The following FAM193B variants were observed in gnomAD, a reference collection of about 807,000 sequenced individuals.
FAM193B encodes the protein protein FAM193B.
Under a neutral mutation model 70.7 loss-of-function variants are expected in FAM193B, and 27 were observed. The ratio of observed to expected loss-of-function variants is 0.38; its 90% CI spans 0.28 to 0.53. The LOEUF (loss-of-function observed/expected upper bound fraction) is 0.53. Among genes scored for constraint, FAM193B ranks in the 20% least tolerant of loss-of-function variants. FAM193B has a pLI of 0.81. For missense variants in FAM193B, 1,022 were observed against 1,072.5 expected, an observed-to-expected ratio of 0.95 and a Z score of 0.66; for synonymous variants, 448 against 436.0, an observed-to-expected ratio of 1.03 and a Z score of -0.34.
At chr5:177,542,191 T>G (rs1764936764) in intron 1 of FAM193B, among the ~76,000 whole-genome samples, 1 of 152,264 alleles carries the variant, frequency 6.6e-6, no homozygotes, top group South Asian at 2.1e-4. Context: ...TCAGTGTGAC[T>G]GCACTTAGTG....
In FAM193B at chr5:177,532,716, G is replaced by A; in HGVS notation, c.1077-75C>T. 2.2e-6 allele frequency: 3 copies of A among 1,371,028 alleles called. No homozygotes were observed. The highest frequency in any genetic ancestry group is 2.9e-6 in the Non-Finnish European group (3 of 1,049,788). The allele number at this position is 1,371,028 out of a possible 1,614,324, so 84.9% of individuals were successfully genotyped here. On this transcript the variant is annotated intron_variant, in intron 4 of 8. Coordinates refer to ENST00000514747, the MANE Select transcript of FAM193B (RefSeq NM_001190946.3). This position sits in a 1 kb window ranked among gnomAD's most constrained non-coding sequence, Gnocchi z 4.9. ...CCAGGAAGCATCCCAACCACCACCT[G>A]CCATCCTGACCGCCCTTCACTTGCC...
intron 1 of FAM193B, among the ~76,000 whole-genome samples, chr5:177,545,051 AT>A (rs894827594): frequency 8.7e-4 from 131 of 150,624 alleles, no homozygotes; most frequent in African/African-American, 2.8e-3. Context: ...CATTCTTCTA[AT>A]TTTTTTTTTA....
intron 1 of FAM193B, 26 bp downstream of exon 1, chr5:177,554,223 G>A (rs375340619): frequency 2.7e-6 from 4 of 1,489,094 alleles, no homozygotes; most frequent in Non-Finnish European, 3.6e-6. Flanking sequence ...CGCCCGAGCC[G>A]CCGAAGTCTC....
At chr5:177,553,718 C>T (rs768244825) in intron 1 of FAM193B, 62 of 1,287,790 alleles carry the variant, frequency 4.8e-5, no homozygotes, top group Non-Finnish European at 1.3e-5. Flanking sequence ...TCCGGGCAGC[C>T]TGGCTGTCTG....
chr5:177,523,478 A>G (rs1561746611), intron 7 of FAM193B, among the ~76,000 whole-genome samples: 1 of 151,908 alleles, frequency 6.6e-6, no homozygotes, highest in Non-Finnish European at 1.5e-5. Flanking sequence ...TTTTCATCTT[A>G]TCTGGCCAAC....
chr5:177,554,530 G>A lies in FAM193B; in HGVS notation c.-72C>T. On this transcript the variant is annotated 5_prime_UTR_variant, in exon 1 of 9. Coordinates refer to ENST00000514747, the MANE Select transcript of FAM193B (RefSeq NM_001190946.3). ...CGCCGCCGCCGCCGCCGCCGCCGCC[G>A]CTACCGCTCCCCTCACAGGACAACA... is the stretch of plus-strand genomic sequence containing the variant. 2 of 900,240 alleles carry A rather than the reference G, an allele frequency of 2.2e-6. No individual in the cohort carries two copies. Among genetic ancestry groups the A allele is most frequent in the Non-Finnish European group, 1.3e-6 (1 of 749,072 alleles). 55.8% of individuals were successfully genotyped at this position (900,240 alleles called of 1,614,324 possible).
intron 1 of FAM193B, among the ~76,000 whole-genome samples, chr5:177,543,292 GTGA>G (rs1468509258): frequency 1.3e-5 from 2 of 152,230 alleles, no homozygotes; most frequent in Non-Finnish European, 2.9e-5. Context: ...ACAGAACTGA[GTGA>G]TGATACCACC....
intron 1 of FAM193B, among the ~76,000 whole-genome samples, chr5:177,544,095 C>T (rs1401585752): frequency 6.6e-6 from 1 of 152,164 alleles, no homozygotes; most frequent in African/African-American, 2.4e-5. Context: ...TTGGGATCTC[C>T]TCAAAAAAGC....
In FAM193B at chr5:177,536,370, G is replaced by C; in HGVS notation, c.1064C>G (p.Pro355Arg). 6.2e-7 allele frequency: 1 copy of C among 1,609,568 alleles called. No homozygotes were observed. Among genetic ancestry groups the C allele is most frequent in the Non-Finnish European group, 8.5e-7 (1 of 1,178,702 alleles). ...GCAGCACACTTACCTGTGAGTGCTA[G>C]GGAGTGGCTGAGAGCTCGGGGGTGG... Reference protein sequence around the residue: ...LLPPPSSQPLPSTHRDPGCKG... With the variant: ...LLPPPSSQPLRSTHRDPGCKG... The change falls in exon 4 of 9, where the codon CCT (proline) becomes CGT (arginine). Residue 355 changes from proline (P) to arginine (R), a missense_variant. By Grantham distance (103) the Pro-to-Arg change is moderately radical (BLOSUM62 -2). Coordinates refer to ENST00000514747, the MANE Select transcript of FAM193B (RefSeq NM_001190946.3).
chr5:177,545,763 C>T (rs779186330), intron 1 of FAM193B, among the ~76,000 whole-genome samples: 6 of 152,114 alleles, frequency 3.9e-5, no homozygotes, highest in Non-Finnish European at 7.3e-5. Flanking sequence ...GACCAGACAG[C>T]TGTCAAGGAC....
chr5:177,521,505 T>C (rs781175604), intron 8 of FAM193B, among the ~76,000 whole-genome samples: 1 of 152,238 alleles, frequency 6.6e-6, no homozygotes, highest in Non-Finnish European at 1.5e-5. Flanking sequence ...CACTCAGGGC[T>C]GGCCCCTTCT....
chr5:177,554,374 G>C lies in FAM193B; in HGVS notation c.85C>G (p.Pro29Ala). 8.3e-7 allele frequency: 1 copy of C among 1,207,390 alleles called. No individual in the cohort carries two copies. Among genetic ancestry groups the C allele is most frequent in the Non-Finnish European group, 1.0e-6 (1 of 972,452 alleles). The allele number at this position is 1,207,390 out of a possible 1,614,324, so 74.8% of individuals were successfully genotyped here. A position where few individuals can be genotyped will look rare whatever the true frequency, so the allele number is the denominator to read the frequency against. The change falls in exon 1 of 9, where the codon CCC becomes GCC. Residue 29 changes from proline to alanine, a missense_variant. By Grantham distance (27) the Pro-to-Ala change is conservative. Coordinates refer to ENST00000514747, the MANE Select transcript of FAM193B (RefSeq NM_001190946.3). The stretch of plus-strand genomic sequence containing the variant: ...AGGCTTGGCGGCGGCGGGGGCTCGG[G>C]CGCCTGGGGCTTCTGCGGCCCCGCG... Reference protein sequence around the residue: ...RAAGPQKPQAPEPPPPPSLEA... With the variant: ...RAAGPQKPQAAEPPPPPSLEA...
intron 8 of FAM193B, among the ~76,000 whole-genome samples, chr5:177,521,335 C>G (rs1554112813): frequency 2.0e-5 from 3 of 152,208 alleles, no homozygotes; most frequent in Non-Finnish European, 1.5e-5. Flanking sequence ...TTGTTTCAGA[C>G]AAAAGGACCT....
chr5:177,527,590 C>T (rs1420332939), intron 5 of FAM193B, among the ~76,000 whole-genome samples: 1 of 152,224 alleles, frequency 6.6e-6, no homozygotes, highest in Non-Finnish European at 1.5e-5. Context: ...TTCCATGCAT[C>T]GCTCCATTTC....
chr5:177,520,813 G>A (rs1267547306), intron 8 of FAM193B, among the ~76,000 whole-genome samples: 2 of 152,154 alleles, frequency 1.3e-5, no homozygotes, highest in African/African-American at 4.8e-5. Context: ...GGGGCTTGTG[G>A]GCATCTCAGT....
chr5:177,532,751 A>G lies in FAM193B; in HGVS notation c.1077-110T>C. 9.4e-7 allele frequency: 1 copy of G among 1,066,352 alleles called. No homozygotes were observed. Among genetic ancestry groups the G allele is most frequent in the Non-Finnish European group, 1.3e-6 (1 of 776,592 alleles). 66.1% of individuals were successfully genotyped at this position (1,066,352 alleles called of 1,614,324 possible). On this transcript the variant is annotated intron_variant, in intron 4 of 8. Coordinates refer to ENST00000514747, the MANE Select transcript of FAM193B (RefSeq NM_001190946.3). The surrounding 1 kb of genome is among the most constrained non-coding windows in gnomAD (Gnocchi z 4.9). ...CCGCCCTTCACTTGCCCCACTCCAC[A>G]GAGGTCCCAGGTGGTCCAACTACAT...
chr5:177,522,234 C>T, intron 7 of FAM193B, 163 bp from the exon 8 acceptor site: 1 of 590,514 alleles, frequency 1.7e-6, no homozygotes, highest in Non-Finnish European at 3.0e-6. Context: ...GCTTTGCTGG[C>T]TTGGGGGCTT....
chr5:177,530,448 A>T (rs772052346), intron 5 of FAM193B, among the ~76,000 whole-genome samples: 1 of 152,182 alleles, frequency 6.6e-6, no homozygotes, highest in African/African-American at 2.4e-5. Flanking sequence ...TCCTGCCATC[A>T]GATCAAAGGC....
intron 1 of FAM193B, among the ~76,000 whole-genome samples, chr5:177,549,176 G>C (rs1765849063): frequency 6.8e-6 from 1 of 146,370 alleles, no homozygotes; most frequent in Non-Finnish European, 1.5e-5. Context: ...TGTAAGACTG[G>C]ATTGTCTTTT....
Sources: allele counts gnomAD v4.1 joint callset (sites outside exome capture counted in the v4.1 genomes callset), GRCh38; gene constraint gnomAD v4.1.1; non-coding constraint Gnocchi (gnomAD v3.1); transcripts MANE v1.5; gene names NCBI Gene and HGNC (gene_info 2026-07-23, HGNC 2026-07-21).